ECHDC1: variants seen among roughly 807,000 people sequenced by gnomAD.
ECHDC1 encodes ethylmalonyl-CoA decarboxylase 1.
ECHDC1 carries 29 observed loss-of-function variants against 29.7 expected under a neutral mutation model. The observed-to-expected ratio is 0.98, with a 90% CI of 0.73 to 1.33. ECHDC1 has a LOEUF of 1.33. ECHDC1 is among the 40% of genes most tolerant of loss of function. ECHDC1 has a pLI of 0.00. For missense variants in ECHDC1, 328 were observed against 350.0 expected (o/e 0.94, Z 0.50); for synonymous variants, 126 against 123.1 (o/e 1.02, Z -0.15).
At chr6:127,297,057 T>G (rs1780665302) in intron 5 of ECHDC1, among the ~76,000 whole-genome samples, 1 of 152,122 alleles carries the variant, frequency 6.6e-6, no homozygotes, top group East Asian at 1.9e-4. Flanking sequence ...AAAACTATGC[T>G]GAAATATTGT....
chr6:127,338,976 C>G (rs4897212), intron 1 of ECHDC1, among the ~76,000 whole-genome samples: 1 of 152,100 alleles, frequency 6.6e-6, no homozygotes, highest in Non-Finnish European at 1.5e-5. Context: ...ATTTTACTCT[C>G]TAGGTATGTG....
chr6:127,315,402 G>A, intron 4 of ECHDC1: 1 of 294,648 alleles, frequency 3.4e-6, no homozygotes, highest in South Asian at 3.2e-5. Flanking sequence ...TCTACTCATT[G>A]TTGCCTGAAA....
chr6:127,297,338 CATAAA>C (rs1361898000), intron 5 of ECHDC1, among the ~76,000 whole-genome samples: 5 of 152,028 alleles, frequency 3.3e-5, no homozygotes, highest in African/African-American at 7.2e-5. Flanking sequence ...ATATTCAAGA[CATAAA>C]ATAAGGCTGG....
At position 127,327,000 on chromosome 6, in the gene ECHDC1, G is replaced by T; in HGVS notation, c.363+2C>A. The T allele has an allele frequency of 6.2e-7, 1 of 1,612,542 alleles. No individual in the cohort carries two copies. The highest frequency in any genetic ancestry group is 2.2e-5 in the East Asian group (1 of 44,836). On this transcript the variant is annotated splice_donor_variant, in intron 3 of 5. Coordinates refer to ENST00000454859, the MANE Select transcript of ECHDC1 (RefSeq NM_001002030.2). LOFTEE classifies it high-confidence loss of function. The stretch of plus-strand genomic sequence containing the variant: ...CAAATGCATAATTCATATAACACTT[G>T]CCTCTGGAGTTCCTAGTGATTTCAC...
intron 5 of ECHDC1, among the ~76,000 whole-genome samples, chr6:127,304,192 C>CAG (rs141653417): frequency 2.7e-4 from 41 of 151,188 alleles, no homozygotes; most frequent in Non-Finnish European, 3.7e-4. Flanking sequence ...CGGGGCTCAG[C>CAG]AGAGAGAGAG....
At chr6:127,294,556 T>A (rs1021190995) in intron 5 of ECHDC1, 9 of 152,210 alleles carry the variant, frequency 5.9e-5, no homozygotes, top group African/African-American at 2.2e-4. Flanking sequence ...CCATTCATTA[T>A]ATGCAAACAG....
At chr6:127,292,737 T>C (rs1474797131) in intron 5 of ECHDC1, among the ~76,000 whole-genome samples, 1 of 152,058 alleles carries the variant, frequency 6.6e-6, no homozygotes, top group African/African-American at 2.4e-5. Flanking sequence ...AGTTTCCTGA[T>C]AGACCCTACA....
At chr6:127,293,662 C>G (rs1254612147) in intron 5 of ECHDC1, among the ~76,000 whole-genome samples, 1 of 152,136 alleles carries the variant, frequency 6.6e-6, no homozygotes, top group African/African-American at 2.4e-5. Flanking sequence ...TCAAACACAT[C>G]TACAAGAGAA....
intron 5 of ECHDC1, among the ~76,000 whole-genome samples, chr6:127,302,237 A>G (rs899584131): frequency 6.6e-6 from 1 of 152,192 alleles, no homozygotes; most frequent in African/African-American, 2.4e-5. Context: ...TGAGAAATCA[A>G]TATGAAGAAT....
intron 1 of ECHDC1, among the ~76,000 whole-genome samples, chr6:127,332,128 C>A (rs1431033650): frequency 6.6e-6 from 1 of 152,112 alleles, no homozygotes; most frequent in Non-Finnish European, 1.5e-5. Flanking sequence ...AGAACATAAC[C>A]TGAAGCTCAC....
intron 1 of ECHDC1, among the ~76,000 whole-genome samples, chr6:127,339,168 T>C (rs1784693237): frequency 6.6e-6 from 1 of 151,678 alleles, no homozygotes; most frequent in Non-Finnish European, 1.5e-5. Flanking sequence ...TTACAGCCTA[T>C]AGATATCTGA....
chr6:127,337,891 C>A (rs963724425), intron 1 of ECHDC1, among the ~76,000 whole-genome samples: 1 of 152,180 alleles, frequency 6.6e-6, no homozygotes, highest in African/African-American at 2.4e-5. Flanking sequence ...CAAAATATAT[C>A]ATTCAAAATG....
At chr6:127,301,703 T>C (rs1218813827) in intron 5 of ECHDC1, among the ~76,000 whole-genome samples, 2 of 152,214 alleles carry the variant, frequency 1.3e-5, no homozygotes, top group African/African-American at 4.8e-5. Context: ...CTATAGTTGC[T>C]TTTGGTATGC....
chr6:127,319,681 A>G (rs1357897793), intron 3 of ECHDC1, among the ~76,000 whole-genome samples: 1 of 152,196 alleles, frequency 6.6e-6, no homozygotes, highest in African/African-American at 2.4e-5. Flanking sequence ...AAAAAGCTAG[A>G]CCTGCTCTAA....
intron 5 of ECHDC1, among the ~76,000 whole-genome samples, chr6:127,291,486 G>A (rs1040767396): frequency 1.3e-5 from 2 of 152,078 alleles, no homozygotes; most frequent in East Asian, 3.9e-4. Context: ...CCCCAGTCAT[G>A]GGATTTTTAT....
intron 5 of ECHDC1, among the ~76,000 whole-genome samples, chr6:127,303,472 G>C (rs1781210812): frequency 6.6e-6 from 1 of 152,174 alleles, no homozygotes. Context: ...ACCAGCCACA[G>C]CATTTCCTTA....
At chr6:127,299,351 A>G (rs1233143246) in intron 5 of ECHDC1, among the ~76,000 whole-genome samples, 1 of 151,810 alleles carries the variant, frequency 6.6e-6, no homozygotes, top group Non-Finnish European at 1.5e-5. Context: ...GTGGAGGGGT[A>G]GGACAATGAT....
At position 127,289,906 on chromosome 6, in the gene ECHDC1, A is replaced by C. The variant is rs376562400; in HGVS notation, c.869T>G (p.Leu290Ter). ...LGTVWGGPAN[L>*]EAIAKKGKFN... ...TTTTCCTTTCTTAGCAATAGCCTCT[A>C]AATTTGCAGGCCCACCCCAAACTGT... Residue 290 changes from leucine to a stop codon, truncating the protein, a stop_gained, in exon 6 of 6, where the codon TTA becomes TGA. Coordinates refer to ENST00000454859, the MANE Select transcript of ECHDC1 (RefSeq NM_001002030.2). LOFTEE classifies it high-confidence loss of function. The C allele has an allele frequency of 1.2e-6, 2 of 1,611,980 alleles. No individual in the cohort carries two copies. The highest frequency in any genetic ancestry group is 1.1e-5 in the South Asian group (1 of 90,808).
At chr6:127,305,806 A>G (rs1186430475) in intron 5 of ECHDC1, among the ~76,000 whole-genome samples, 5 of 152,192 alleles carry the variant, frequency 3.3e-5, no homozygotes, top group Non-Finnish European at 7.4e-5. Context: ...AAAACATAAA[A>G]GATACACAAA....
Sources: allele counts gnomAD v4.1 joint callset (sites outside exome capture counted in the v4.1 genomes callset), GRCh38; gene constraint gnomAD v4.1.1; transcripts MANE v1.5; gene names NCBI Gene and HGNC (gene_info 2026-07-23, HGNC 2026-07-21).